The following SNX25 variants were observed in gnomAD, a reference collection of about 807,000 sequenced individuals.
SNX25 encodes the protein sorting nexin-25.
A neutral mutation model predicts 113.7 loss-of-function variants in SNX25; 62 were observed. That is an observed-to-expected ratio of 0.55 (90% CI 0.44 to 0.67). SNX25 has a LOEUF of 0.67. Ranked by LOEUF, SNX25 falls within the 30% of genes least tolerant of loss-of-function variation. The pLI, the probability that SNX25 is intolerant of heterozygous loss-of-function variation, is 0.00. For synonymous variants in SNX25, 421 were observed against 436.2 expected, an observed-to-expected ratio of 0.97 and a Z score of 0.43; for missense variants, 1,014 against 1,161.0, an observed-to-expected ratio of 0.87 and a Z score of 1.84.
chr4:185,332,911 G>A lies in SNX25; in HGVS notation c.1914+152G>A, dbSNP rs560786194. On this transcript the variant is annotated intron_variant, in intron 10 of 18. Transcript: ENST00000652585. ...TTTTTTTGCTTCTAGGATAGAATTA[G>A]AAAAGCATTTGTTTTTAATCTCTTA... is the stretch of plus-strand genomic sequence containing the variant. 4 of 832,074 alleles carry A rather than the reference G, an allele frequency of 4.8e-6. No homozygotes were observed. The South Asian group carries it at 7.7e-5, about 16-fold the overall frequency. 51.5% of individuals were successfully genotyped at this position (832,074 alleles called of 1,614,324 possible).
At chr4:185,211,688 G>A (rs2111470799) in intron 1 of SNX25, among the ~76,000 whole-genome samples, 1 of 152,272 alleles carries the variant, frequency 6.6e-6, no homozygotes, top group East Asian at 1.9e-4. Context: ...GGGGGAGCAG[G>A]CAATAAATAA....
At chr4:185,274,732 A>G (rs1749418550) in intron 5 of SNX25, among the ~76,000 whole-genome samples, 2 of 152,266 alleles carry the variant, frequency 1.3e-5, no homozygotes, top group Admixed American at 1.3e-4. Context: ...TCTATTATGT[A>G]TTAAGCACAG....
At chr4:185,308,797 T>C (rs1023618615) in intron 6 of SNX25, among the ~76,000 whole-genome samples, 22 of 152,166 alleles carry the variant, frequency 1.4e-4, no homozygotes, top group African/African-American at 5.3e-4. Context: ...GATTATTTGT[T>C]TCCTCCTGGG....
At chr4:185,298,106 T>TTTTTTTTTTA (rs1753098459) in intron 6 of SNX25, among the ~76,000 whole-genome samples, 2 of 151,356 alleles carry the variant, frequency 1.3e-5, no homozygotes, top group Non-Finnish European at 2.9e-5. Context: ...TTTTTTTTTT[T>TTTTTTTTTTA]GAGATGGAGT....
rs1742013325 is a variant in SNX25, at chr4:185,232,427, C to T, written c.430-14867C>T. Among the ~76,000 whole-genome samples the T allele has an allele frequency of 6.6e-6, 1 of 152,186 alleles. No individual in the cohort carries two copies. The highest frequency in any genetic ancestry group is 1.5e-5 in the Non-Finnish European group (1 of 68,038). Reference sequence around the variant, plus strand: ...TTTCTTCCCTTTTATGGGCCGACCCCTCCTCTGCATCCTGTTTGCTTATCA... The same window carrying T: ...TTTCTTCCCTTTTATGGGCCGACCCTTCCTCTGCATCCTGTTTGCTTATCA... On this transcript the variant is annotated intron_variant, in intron 1 of 18. Coordinates refer to ENST00000652585, the MANE Select transcript of SNX25 (RefSeq NM_001378034.2). This position sits in a 1 kb window ranked among gnomAD's most constrained non-coding sequence, Gnocchi z 4.4.
chr4:185,374,679 G>A (rs2095427298), downstream of SNX25, among the ~76,000 whole-genome samples: 1 of 152,154 alleles, frequency 6.6e-6, no homozygotes, highest in African/African-American at 2.4e-5. Context: ...ACTCCCAGGA[G>A]CTCTGGGATA....
chr4:185,315,117 A>G (rs1394880254), intron 7 of SNX25, among the ~76,000 whole-genome samples: 2 of 149,416 alleles, frequency 1.3e-5, no homozygotes, highest in Non-Finnish European at 3.0e-5. Context: ...AGTCCCAGCT[A>G]CTCAGGAGGC....
chr4:185,345,587 G>A (rs954976691), intron 12 of SNX25, among the ~76,000 whole-genome samples: 2 of 152,048 alleles, frequency 1.3e-5, no homozygotes, highest in African/African-American at 4.8e-5. Context: ...TTGTATCCAG[G>A]AGTTTGAGAC....
chr4:185,233,220 G>A (rs1742117694), intron 1 of SNX25, among the ~76,000 whole-genome samples: 1 of 152,080 alleles, frequency 6.6e-6, no homozygotes, highest in Admixed American at 6.5e-5. Flanking sequence ...GGAAGGCAGA[G>A]GTTGCAGTGA....
chr4:185,354,041 C>CAAA (rs138207766), intron 15 of SNX25, among the ~76,000 whole-genome samples: 2 of 84,534 alleles, frequency 2.4e-5, no homozygotes, highest in African/African-American at 8.4e-5. Context: ...GACTCCGTCT[C>CAAA]AAAAAAAAAA....
At chr4:185,216,513 GTTTT>G (rs34410263) in intron 1 of SNX25, among the ~76,000 whole-genome samples, 2 of 96,724 alleles carry the variant, frequency 2.1e-5, no homozygotes, top group Admixed American at 1.3e-4. Flanking sequence ...TGTGTATTTG[GTTTT>G]TTTTTTTTTT....
At chr4:185,240,168 T>A (rs1359556088) in intron 1 of SNX25, among the ~76,000 whole-genome samples, 1 of 151,804 alleles carries the variant, frequency 6.6e-6, no homozygotes, top group African/African-American at 2.4e-5. Flanking sequence ...GTCTACCTCT[T>A]TCTACACAGA....
At chr4:185,309,747 CTCCTCCTAGCAGCCT>C (rs1319349767) in intron 6 of SNX25, among the ~76,000 whole-genome samples, 12 of 152,210 alleles carry the variant, frequency 7.9e-5, no homozygotes, top group Non-Finnish European at 1.5e-5. Context: ...CTAGCTGGTC[CTCCTCCTAGCAGCCT>C]TCCTTCTTCC....
chr4:185,371,391 A>C (rs1043105256), downstream of SNX25, among the ~76,000 whole-genome samples: 7 of 151,902 alleles, frequency 4.6e-5, no homozygotes, highest in Non-Finnish European at 7.4e-5. Flanking sequence ...AGATACAAAA[A>C]ATTAGCTGGG....
At position 185,323,685 on chromosome 4, in the gene SNX25, A is replaced by G; in HGVS notation, c.1634A>G (p.Glu545Gly). Residue 545 changes from glutamate (E) to glycine (G), a missense_variant, in exon 9 of 19, where the codon GAG (glutamate) becomes GGG (glycine). Coordinates refer to ENST00000652585, the MANE Select transcript of SNX25 (RefSeq NM_001378034.2). ...TACAAAATCCAGGAAGATGTTTATG[A>G]GACCCTAAAGGATAGGTATTACCCT... ...VFYKIQEDVY[E>G]TLKDRYYPSF... 6.2e-7 allele frequency: 1 copy of G among 1,613,778 alleles called. No homozygotes were observed. The highest frequency in any genetic ancestry group is 1.1e-5 in the South Asian group (1 of 91,072).
intron 5 of SNX25, among the ~76,000 whole-genome samples, chr4:185,269,012 C>T (rs1470796985): frequency 6.6e-6 from 1 of 152,088 alleles, no homozygotes; most frequent in African/African-American, 2.4e-5. Context: ...GAATAGACTA[C>T]ATGATATTCT....
At chr4:185,370,955 A>G (rs748255462), downstream of SNX25, 62 of 876,428 alleles carry the variant, frequency 7.1e-5, no homozygotes, top group Non-Finnish European at 1.1e-4. Flanking sequence ...CTGTGTGGGG[A>G]AGGGTCCATG....
At chr4:185,289,002 C>T (rs1751768540) in intron 6 of SNX25, among the ~76,000 whole-genome samples, 1 of 152,170 alleles carries the variant, frequency 6.6e-6, no homozygotes, top group South Asian at 2.1e-4. Context: ...CATGAGCACA[C>T]AGAGGCAAAG....
chr4:185,371,278 G>A (rs904851254), downstream of SNX25, among the ~76,000 whole-genome samples: 3 of 152,100 alleles, frequency 2.0e-5, no homozygotes, highest in South Asian at 2.1e-4. Context: ...GGTGGCTCAC[G>A]CCTGTAATCC....
Sources: gnomAD v4.1 joint callset for allele counts (sites outside exome capture counted in the v4.1 genomes callset) on GRCh38, gnomAD v4.1.1 for gene constraint, Gnocchi (gnomAD v3.1) non-coding constraint, MANE v1.5 for transcripts, NCBI Gene and HGNC (gene_info 2026-07-23, HGNC 2026-07-21) for gene names.